Variants in IKBIP observed in about 807,000 individuals in gnomAD.
The protein encoded by IKBIP is inhibitor of nuclear factor kappa-B kinase-interacting protein.
Under a neutral mutation model 31.0 loss-of-function variants are expected in IKBIP, and 28 were observed. That is an observed-to-expected ratio of 0.90 (90% CI 0.67 to 1.24). The LOEUF is 1.24. IKBIP is among the 50% of genes most tolerant of loss of function. IKBIP has a pLI of 0.00. For synonymous variants in IKBIP, 164 were observed against 160.3 expected, an observed-to-expected ratio of 1.02 and a Z score of -0.17; for missense variants, 453 against 441.9, an observed-to-expected ratio of 1.03 and a Z score of -0.23.
rs1565840296 is a variant in IKBIP, at chr12:98,626,635, TTGAG to T, written c.425_428del (p.Thr142LysfsTer21). On this transcript the variant is annotated frameshift_variant, in exon 3 of 3. Transcript: ENST00000299157. LOFTEE classifies it high-confidence loss of function. ...ATTTCTCATTAAGGCTTTGCATCCT[TTGAG>T]TGAGCACCTCTTCATTATTTTGAAT... The T allele has an allele frequency of 2.5e-6, 4 of 1,614,002 alleles. No individual in the cohort carries two copies. The highest frequency in any genetic ancestry group is 2.2e-5 in the East Asian group (1 of 44,870).
chr12:98,623,473 G>C (rs1046338126), downstream of IKBIP, among the ~76,000 whole-genome samples: 2 of 150,082 alleles, frequency 1.3e-5, no homozygotes, highest in Admixed American at 1.3e-4. Flanking sequence ...TTGAACTCCT[G>C]AGCTCAAGCG....
At chr12:98,620,372 ATT>A (rs879561952), downstream of IKBIP, among the ~76,000 whole-genome samples, 2 of 142,612 alleles carry the variant, frequency 1.4e-5, no homozygotes, top group African/African-American at 5.1e-5. Context: ...TTGCTAAAGG[ATT>A]TTTTTTTTTT....
chr12:98,633,334 A>G (rs1473147788), intron 2 of IKBIP, among the ~76,000 whole-genome samples: 5 of 152,098 alleles, frequency 3.3e-5, no homozygotes, highest in Non-Finnish European at 7.3e-5. Flanking sequence ...TGGGAGTTAC[A>G]AAAATGTTTA....
intron 2 of IKBIP, among the ~76,000 whole-genome samples, chr12:98,616,852 T>C (rs1343830005): frequency 2.6e-5 from 4 of 152,198 alleles, no homozygotes; most frequent in African/African-American, 9.6e-5. Flanking sequence ...TTTTTTTAAA[T>C]GCTAGTATCA....
At chr12:98,613,995 C>G (rs758737939) in exon 3 of IKBIP, 2 of 1,610,578 alleles carry the variant, frequency 1.2e-6, no homozygotes, top group Admixed American at 3.4e-5. Context: ...AGAAGATCAC[C>G]TATATTTTTT....
chr12:98,631,705 G>A (rs190043798), intron 2 of IKBIP, among the ~76,000 whole-genome samples: 6 of 147,094 alleles, frequency 4.1e-5, no homozygotes, highest in East Asian at 2.2e-4. Flanking sequence ...CCCGGGAGGC[G>A]GAGGTTGCAG....
At chr12:98,640,772 CT>C (rs1004542163) in intron 1 of IKBIP, among the ~76,000 whole-genome samples, 130 of 144,468 alleles carry the variant, frequency 9.0e-4, no homozygotes, top group Middle Eastern at 7.1e-3. Flanking sequence ...TATATCAGGC[CT>C]TTTTTTTTTT....
chr12:98,632,523 A>ATATG (rs1555211598), intron 2 of IKBIP, among the ~76,000 whole-genome samples: 1 of 67,084 alleles, frequency 1.5e-5, no homozygotes, highest in Admixed American at 1.8e-4. Context: ...ATATATATAT[A>ATATG]TATATATATA....
chr12:98,644,760 G>A lies in IKBIP; in HGVS notation c.-59C>T. On this transcript the variant is annotated 5_prime_UTR_variant, in exon 1 of 3. The change creates a new upstream start codon in the 5' untranslated region. Coordinates refer to ENST00000299157, the MANE Select transcript of IKBIP (RefSeq NM_153687.4). ...GCTTCTTCACCAGGGGGAGCAGGAC[G>A]TGGCCGCCTTGGCGTTCGTGGGAAC... is the stretch of plus-strand genomic sequence containing the variant. The A allele has an allele frequency of 3.2e-6, 5 of 1,552,724 alleles. No individual in the cohort carries two copies. Among genetic ancestry groups the A allele is most frequent in the Non-Finnish European group, 2.6e-6 (3 of 1,152,670 alleles).
exon 3 of IKBIP, chr12:98,614,090 G>A (rs543944793): frequency 6.2e-7 from 1 of 1,612,792 alleles, no homozygotes; most frequent in South Asian, 1.1e-5. Context: ...TACTAAACCT[G>A]AAATCCGTCG....
chr12:98,622,074 TA>T (rs397850941), downstream of IKBIP, among the ~76,000 whole-genome samples: 44,265 of 132,102 alleles, frequency 0.34, 8,110 homozygotes, highest in African/African-American at 0.55. Context: ...GACTCCATCT[TA>T]AAAAAAAAAA....
At chr12:98,634,441 C>A in intron 1 of IKBIP, 28 bp from the exon 2 acceptor site, 1 of 1,100,620 alleles carries the variant, frequency 9.1e-7, no homozygotes, top group South Asian at 1.3e-5. Flanking sequence ...AATCACTATT[C>A]TCCAATTCAT....
At chr12:98,637,513 A>AT (rs1426770172) in intron 1 of IKBIP, among the ~76,000 whole-genome samples, 1 of 151,946 alleles carries the variant, frequency 6.6e-6, no homozygotes, top group Non-Finnish European at 1.5e-5. Context: ...AGTTCAAGTG[A>AT]TTCTCTTGCC....
intron 2 of IKBIP, among the ~76,000 whole-genome samples, chr12:98,627,439 CTTTTTT>C: frequency 8.4e-6 from 1 of 119,632 alleles, no homozygotes. Context: ...TTTTCTTTTT[CTTTTTT>C]TTTTTTTTTT....
chr12:98,627,138 T>C (rs1031068232), intron 2 of IKBIP, among the ~76,000 whole-genome samples: 3 of 151,754 alleles, frequency 2.0e-5, no homozygotes, highest in African/African-American at 7.3e-5. Context: ...CTAGCTAATT[T>C]TTGTATTTTT....
At chr12:98,616,905 G>A (rs115533640) in intron 2 of IKBIP, among the ~76,000 whole-genome samples, 2,045 of 152,170 alleles carry the variant, frequency 0.013, 37 homozygotes, top group African/African-American at 0.044. Context: ...TTTTGAGATC[G>A]GGTAGTGTGA....
intron 2 of IKBIP, among the ~76,000 whole-genome samples, 185 bp downstream of exon 2, chr12:98,634,111 C>G (rs1226830822): frequency 6.6e-6 from 1 of 151,898 alleles, no homozygotes; most frequent in East Asian, 1.9e-4. Context: ...AAATCCTTGC[C>G]CCTCAAAATG....
Position 98,624,405 on chromosome 12 carries a change from A to G in IKBIP, c.*1525T>C. On this transcript the variant is annotated 3_prime_UTR_variant, in exon 3 of 3. Transcript: ENST00000299157. ...CTTAATAACAGAACTCTCCAGGCTT[A>G]TTTTCATGATTCACGCTGTCTACCA... 3.0e-6 allele frequency: 3 copies of G among 985,402 alleles called. No individual in the cohort carries two copies. The highest frequency in any genetic ancestry group is 3.6e-6 in the Non-Finnish European group (3 of 829,906). The allele number at this position is 985,402 out of a possible 1,614,324, so 61.0% of individuals were successfully genotyped here.
intron 2 of IKBIP, among the ~76,000 whole-genome samples, chr12:98,617,873 G>T (rs1202069729): frequency 6.6e-6 from 1 of 152,120 alleles, no homozygotes; most frequent in African/African-American, 2.4e-5. Context: ...CTTTCAGCTT[G>T]TTTTCTAGGA....
Sources: allele counts gnomAD v4.1 joint callset (sites outside exome capture counted in the v4.1 genomes callset), GRCh38; gene constraint gnomAD v4.1.1; transcripts MANE v1.5; gene names NCBI Gene and HGNC (gene_info 2026-07-23, HGNC 2026-07-21).